ZNF541: variants seen among roughly 807,000 people sequenced by gnomAD.
ZNF541 encodes zinc finger protein 541.
ZNF541 carries 23 observed loss-of-function variants against 123.5 expected under a neutral mutation model. The ratio of observed to expected loss-of-function variants is 0.19; its 90% CI spans 0.13 to 0.26. The LOEUF (loss-of-function observed/expected upper bound fraction) is 0.26, where lower values mean the gene tolerates loss of function less well. Among genes scored for constraint, ZNF541 ranks in the 10% least tolerant of loss-of-function variants. The pLI, the probability that ZNF541 is intolerant of heterozygous loss-of-function variation, is 1.00. For synonymous variants in ZNF541, 751 were observed against 754.5 expected (o/e 1.00, Z 0.08); for missense variants, 1,612 against 1,789.9 (o/e 0.90, Z 1.79).
intron 2 of ZNF541, among the ~76,000 whole-genome samples, chr19:47,560,936 C>G (rs1055791609): frequency 2.0e-5 from 3 of 152,022 alleles, no homozygotes; most frequent in Admixed American, 6.6e-5. Flanking sequence ...ACCTTAAATG[C>G]ACATTGCTAA....
Position 47,544,819 on chromosome 19 carries a change from A to G in ZNF541, c.1710T>C (p.His570=). Residue 570 remains histidine (H), a synonymous_variant, in exon 5 of 17, where the codon CAT becomes CAC. Transcript: ENST00000391901. Reference sequence around the variant, plus strand: ...GGGAGGAGACTGCTGCCACCTGGGCATGGGAGAAGATCCGCTGGGACTTGG... The same window carrying G: ...GGGAGGAGACTGCTGCCACCTGGGCGTGGGAGAAGATCCGCTGGGACTTGG... ...MITKSQRIFS[H]AQVAAVSSQL... 1 of 1,533,144 alleles carries G rather than the reference A, an allele frequency of 6.5e-7. No homozygotes were observed. Among genetic ancestry groups the G allele is most frequent in the Non-Finnish European group, 8.7e-7 (1 of 1,144,884 alleles). The allele number at this position is 1,533,144 out of a possible 1,614,324, so 95.0% of individuals were successfully genotyped here.
chr19:47,557,287 G>A (rs1189508114), intron 2 of ZNF541, among the ~76,000 whole-genome samples: 1 of 151,998 alleles, frequency 6.6e-6, no homozygotes, highest in Admixed American at 6.6e-5. Context: ...GGCCCTGGAA[G>A]AGCTGAACCA....
chr19:47,532,931 C>T lies in ZNF541; in HGVS notation c.3136G>A (p.Asp1046Asn). ...GSFGICVVKD[D>N]TKISIEPHIN... ...TACGGCTCAATGCTGATTTTGGTGT[C>T]ATCCTTCACCACACAGATGCCAAAG... The change falls in exon 10 of 17, where the codon GAC (aspartate) becomes AAC (asparagine). Residue 1046 changes from aspartate (D) to asparagine (N), a missense_variant. Coordinates refer to ENST00000391901, the MANE Select transcript of ZNF541 (RefSeq NM_001277075.3). 2 of 1,550,556 alleles carry T rather than the reference C, an allele frequency of 1.3e-6. No individual in the cohort carries two copies. Among genetic ancestry groups the T allele is most frequent in the African/African-American group, 1.4e-5 (1 of 73,046 alleles).
At chr19:47,569,705 C>A (rs907922554) in intron 2 of ZNF541, among the ~76,000 whole-genome samples, 1 of 151,672 alleles carries the variant, frequency 6.6e-6, no homozygotes, top group African/African-American at 2.4e-5. Context: ...CGCCCCCCAC[C>A]CATCTCTACA....
At chr19:47,548,275 T>C (rs1169824191) in intron 4 of ZNF541, among the ~76,000 whole-genome samples, 1 of 150,942 alleles carries the variant, frequency 6.6e-6, no homozygotes, top group Admixed American at 6.6e-5. Context: ...AAACCCCATC[T>C]CTACTAAAAA....
intron 14 of ZNF541, among the ~76,000 whole-genome samples, chr19:47,527,131 C>T (rs745947076): frequency 1.1e-4 from 17 of 152,122 alleles, no homozygotes; most frequent in Non-Finnish European, 2.2e-4. Context: ...GAAATGAAAA[C>T]GAATTTACAG....
chr19:47,540,824 A>G (rs1970049791), intron 6 of ZNF541, 69 bp downstream of exon 6: 1 of 1,475,864 alleles, frequency 6.8e-7, no homozygotes, highest in East Asian at 2.5e-5. Flanking sequence ...TCACTTGTCC[A>G]GGGCCGGCAC....
intron 2 of ZNF541, among the ~76,000 whole-genome samples, chr19:47,557,171 G>A (rs879643408): frequency 3.3e-5 from 5 of 152,130 alleles, no homozygotes; most frequent in South Asian, 2.1e-4. Flanking sequence ...TATATGGCTC[G>A]TATTCTGTAT....
intron 2 of ZNF541, among the ~76,000 whole-genome samples, chr19:47,563,931 T>C (rs184329093): frequency 3.9e-5 from 6 of 152,244 alleles, no homozygotes; most frequent in Admixed American, 2.6e-4. Context: ...TTAAGCACTT[T>C]CTCCACATCG....
At chr19:47,554,678 T>G (rs1970739020) in intron 3 of ZNF541, among the ~76,000 whole-genome samples, 2 of 152,144 alleles carry the variant, frequency 1.3e-5, no homozygotes. Context: ...GGTGTGGTAA[T>G]GGGAAGGAAA....
At chr19:47,547,639 A>G (rs1970410569) in intron 4 of ZNF541, among the ~76,000 whole-genome samples, 1 of 152,148 alleles carries the variant, frequency 6.6e-6, no homozygotes, top group African/African-American at 2.4e-5. Context: ...GGGTGAGAGG[A>G]TAAGATGAAA....
intron 12 of ZNF541, among the ~76,000 whole-genome samples, chr19:47,531,236 G>A (rs76752797): frequency 2.2e-4 from 3 of 13,706 alleles, no homozygotes; most frequent in Admixed American, 9.7e-4. Flanking sequence ...TGTGAGCGGG[G>A]GGGGGGGGGG....
chr19:47,545,312 G>A lies in ZNF541; in HGVS notation c.1217C>T (p.Ser406Phe), dbSNP rs766263101. The A allele has an allele frequency of 1.3e-6, 2 of 1,549,576 alleles. No homozygotes were observed. Among genetic ancestry groups the A allele is most frequent in the South Asian group, 1.2e-5 (1 of 84,036 alleles). The stretch of plus-strand genomic sequence containing the variant: ...CTGGAAGCTGTGGCTCGATGGCTGG[G>A]AACTGGCAGGGACCGTCTGGCCTCG... ...LFRGQTVPAS[S>F]QPSSHSFQWL... Residue 406 changes from serine to phenylalanine, a missense_variant, in exon 5 of 17, where the codon TCC becomes TTC. Transcript: ENST00000391901. This position sits in a 1 kb window ranked among gnomAD's most constrained non-coding sequence, Gnocchi z 7.5.
At chr19:47,531,512 G>A (rs538625869) in intron 12 of ZNF541, 130 bp downstream of exon 12, 20 of 623,044 alleles carry the variant, frequency 3.2e-5, no homozygotes, top group African/African-American at 1.3e-4. Context: ...TCCCAAAGCC[G>A]CTGTGGAGGA....
intron 4 of ZNF541, 105 bp from the exon 5 acceptor site, chr19:47,546,085 A>G: frequency 1.1e-5 from 11 of 999,006 alleles, no homozygotes; most frequent in Non-Finnish European, 1.5e-5. Context: ...TTGCACCACA[A>G]TTCAGAAATT....
At chr19:47,560,137 G>T (rs1321558551) in intron 2 of ZNF541, among the ~76,000 whole-genome samples, 1 of 152,298 alleles carries the variant, frequency 6.6e-6, no homozygotes, top group East Asian at 1.9e-4. Flanking sequence ...AGTGGCTACA[G>T]ACAGGGCGTT....
chr19:47,526,974 C>T (rs994735509), intron 14 of ZNF541, among the ~76,000 whole-genome samples: 2 of 152,162 alleles, frequency 1.3e-5, no homozygotes, highest in Admixed American at 1.3e-4. Flanking sequence ...GGTACATCCA[C>T]CCAGTGGAAT....
intron 2 of ZNF541, among the ~76,000 whole-genome samples, chr19:47,569,144 C>T (rs1295097689): frequency 6.6e-6 from 1 of 151,918 alleles, no homozygotes; most frequent in East Asian, 1.9e-4. Context: ...CAGTTAACAA[C>T]GAGGTAGATC....
rs1302728766 is a variant in ZNF541, at chr19:47,545,367, C to T, written c.1162G>A (p.Gly388Ser). ...RSTAECWPEG[G>S]SVPACLPLFR... is the part of the protein sequence containing the mutation. ...AGAGGCAGGCAGGCAGGCACGGAGC[C>T]GCCTTCGGGCCAGCACTCCGCGGTG... Residue 388 changes from glycine (G) to serine (S), a missense_variant, in exon 5 of 17, where the codon GGC becomes AGC. Around this residue, in one of 5 missense-constraint regions of ZNF541, gnomAD observed 1,080 missense variants for 1,013.8 expected, o/e 1.07. Coordinates refer to ENST00000391901, the MANE Select transcript of ZNF541 (RefSeq NM_001277075.3). This position sits in a 1 kb window ranked among gnomAD's most constrained non-coding sequence, Gnocchi z 7.5. The T allele has an allele frequency of 6.5e-7, 1 of 1,538,400 alleles. No individual in the cohort carries two copies. Among genetic ancestry groups the T allele is most frequent in the African/African-American group, 1.4e-5 (1 of 72,766 alleles).
Sources: gnomAD v4.1 joint callset for allele counts (sites outside exome capture counted in the v4.1 genomes callset) on GRCh38, gnomAD v4.1.1 for gene constraint, gnomAD v4.1.1 regional missense constraint, Gnocchi (gnomAD v3.1) non-coding constraint, MANE v1.5 for transcripts, NCBI Gene and HGNC (gene_info 2026-07-23, HGNC 2026-07-21) for gene names.